SPATA16: variants seen among roughly 807,000 people sequenced by gnomAD.
SPATA16 encodes the protein spermatogenesis-associated protein 16.
In SPATA16, 36 loss-of-function variants were observed where a neutral mutation model predicts 63.3. That is an observed-to-expected ratio of 0.57 (90% CI 0.44 to 0.75). The LOEUF (loss-of-function observed/expected upper bound fraction) is 0.75. Ranked by LOEUF, SPATA16 falls within the 30% of genes least tolerant of loss-of-function variation. SPATA16 has a pLI of 0.00. For missense variants in SPATA16, 646 were observed against 679.3 expected (o/e 0.95, Z 0.54); for synonymous variants, 203 against 216.7 (o/e 0.94, Z 0.56).
In SPATA16 at chr3:172,949,156, T is replaced by TA. The variant is rs934604917; in HGVS notation, c.1081+7520dup. ...GATGTTTACTCCATAATAAATTAGTTAAGCTGTATTTTAAAATGGATTTTT... is the reference window on the plus strand; with the variant it reads ...GATGTTTACTCCATAATAAATTAGTTAAAGCTGTATTTTAAAATGGATTTTT... On this transcript the variant is annotated intron_variant, in intron 6 of 10. Transcript: ENST00000351008. 1.1e-3 allele frequency among the ~76,000 whole-genome samples: 171 copies of TA among 152,254 alleles called. 1 individual carries two copies. The highest frequency in any genetic ancestry group is 4.0e-3 in the African/African-American group (167 of 41,524).
chr3:173,105,446 C>T (rs1737597179), intron 2 of SPATA16, among the ~76,000 whole-genome samples: 2 of 152,208 alleles, frequency 1.3e-5, no homozygotes, highest in Non-Finnish European at 2.9e-5. Context: ...TTCCTCAAAA[C>T]CTCGAGTCCA....
At chr3:173,122,799 T>G (rs1333447799) in intron 1 of SPATA16, among the ~76,000 whole-genome samples, 1 of 152,212 alleles carries the variant, frequency 6.6e-6, no homozygotes, top group Non-Finnish European at 1.5e-5. Context: ...GTTGTTTTAC[T>G]AGACCGTGAA....
chr3:173,102,937 C>G (rs1348019862), intron 2 of SPATA16, among the ~76,000 whole-genome samples: 5 of 152,170 alleles, frequency 3.3e-5, no homozygotes, highest in Non-Finnish European at 4.4e-5. Context: ...AATGGAGGTA[C>G]AGACACTGGG....
chr3:173,044,436 T>C (rs1422398371), intron 3 of SPATA16, among the ~76,000 whole-genome samples: 1 of 152,192 alleles, frequency 6.6e-6, no homozygotes, highest in Non-Finnish European at 1.5e-5. Context: ...ATGCTAAATC[T>C]CCATTTGGTT....
chr3:173,024,123 T>C (rs1326160231), intron 3 of SPATA16, among the ~76,000 whole-genome samples: 3 of 151,506 alleles, frequency 2.0e-5, no homozygotes, highest in African/African-American at 7.3e-5. Flanking sequence ...CTATTATATT[T>C]TCCAAACTCT....
At chr3:172,902,618 A>G (rs1306824177) in intron 10 of SPATA16, among the ~76,000 whole-genome samples, 2 of 152,172 alleles carry the variant, frequency 1.3e-5, no homozygotes, top group East Asian at 1.9e-4. Flanking sequence ...ATTTCTTGTA[A>G]TAAGAGATAG....
At chr3:173,069,112 G>GAAAAAAAAAAAAAAAAAAAA (rs541801266) in intron 2 of SPATA16, among the ~76,000 whole-genome samples, 9 of 109,158 alleles carry the variant, frequency 8.2e-5, no homozygotes, top group African/African-American at 3.3e-4. Flanking sequence ...TCCGTCTCAA[G>GAAAAAAAAAAAAAAAAAAAA]AAAAAAAAAA....
intron 4 of SPATA16, among the ~76,000 whole-genome samples, chr3:172,981,390 C>CGTT (rs1734314587): frequency 2.0e-5 from 3 of 152,194 alleles, no homozygotes; most frequent in Non-Finnish European, 2.9e-5. Context: ...GAAAAACTAA[C>CGTT]CTCTTTATAG....
chr3:172,916,230 G>GA (rs1732480808), intron 9 of SPATA16, 87 bp downstream of exon 9: 2 of 1,247,862 alleles, frequency 1.6e-6, no homozygotes, highest in Non-Finnish European at 2.3e-6. Flanking sequence ...ATTACCACAG[G>GA]ATTTTTTTTT....
At chr3:173,047,208 T>TA (rs1326747427) in intron 3 of SPATA16, among the ~76,000 whole-genome samples, 1 of 151,798 alleles carries the variant, frequency 6.6e-6, no homozygotes, top group African/African-American at 2.4e-5. Context: ...TCATTACTTT[T>TA]TTTTTTTTTA....
intron 6 of SPATA16, among the ~76,000 whole-genome samples, chr3:172,931,934 G>A (rs576809424): frequency 6.6e-6 from 1 of 152,226 alleles, no homozygotes; most frequent in South Asian, 2.1e-4. Flanking sequence ...TTTTCTCTGG[G>A]AAATATGAAC....
intron 2 of SPATA16, among the ~76,000 whole-genome samples, chr3:173,069,112 G>GAAAAAAAAAAAA (rs541801266): frequency 1.8e-5 from 2 of 109,166 alleles, no homozygotes; most frequent in African/African-American, 7.3e-5. Context: ...TCCGTCTCAA[G>GAAAAAAAAAAAA]AAAAAAAAAA....
intron 2 of SPATA16, among the ~76,000 whole-genome samples, chr3:173,061,611 G>A (rs1223382503): frequency 6.6e-6 from 1 of 152,118 alleles, no homozygotes; most frequent in African/African-American, 2.4e-5. Flanking sequence ...CAAGGGTATT[G>A]CAATTAATAG....
Position 172,947,285 on chromosome 3 carries a change from T to G in SPATA16, c.1081+9392A>C, listed in dbSNP as rs568472477. Among the ~76,000 whole-genome samples, 3 of 152,210 alleles carry G rather than the reference T, an allele frequency of 2.0e-5. No individual in the cohort carries two copies. In the East Asian group the frequency reaches 5.8e-4, roughly 29 times the overall value. ...TGCAAAGACAACAATAAACACTTCT[T>G]TAATAACTCTTCAAATAAACTCTTT... On this transcript the variant is annotated intron_variant, in intron 6 of 10. Coordinates refer to ENST00000351008, the MANE Select transcript of SPATA16 (RefSeq NM_031955.6).
intron 10 of SPATA16, among the ~76,000 whole-genome samples, chr3:172,900,161 C>G (rs912312949): frequency 6.6e-6 from 1 of 152,198 alleles, no homozygotes; most frequent in African/African-American, 2.4e-5. Flanking sequence ...CTGAGAATGT[C>G]TTAATTTCTT....
At chr3:173,048,632 C>T (rs1736009476) in intron 3 of SPATA16, among the ~76,000 whole-genome samples, 1 of 152,066 alleles carries the variant, frequency 6.6e-6, no homozygotes, top group African/African-American at 2.4e-5. Context: ...TCGACAATCC[C>T]TCTTACGATT....
At chr3:172,955,904 A>G (rs1261706880) in intron 6 of SPATA16, among the ~76,000 whole-genome samples, 1 of 152,116 alleles carries the variant, frequency 6.6e-6, no homozygotes, top group East Asian at 1.9e-4. Context: ...GTGATCAATA[A>G]TGGAGTACAT....
Position 173,028,029 on chromosome 3 carries a change from T to C in SPATA16, c.759-8454A>G, listed in dbSNP as rs9865371. 8.9e-3 allele frequency among the ~76,000 whole-genome samples: 518 copies of C among 58,036 alleles called. 18 individuals are homozygous for C. Among genetic ancestry groups the C allele is most frequent in the African/African-American group, 0.045 (482 of 10,800 alleles). The allele number at this position is 58,036 out of a possible 152,430, so 38.1% of individuals were successfully genotyped here. A position where few individuals can be genotyped will look rare whatever the true frequency, so the allele number is the denominator to read the frequency against. On this transcript the variant is annotated intron_variant, in intron 3 of 10. Coordinates refer to ENST00000351008, the MANE Select transcript of SPATA16 (RefSeq NM_031955.6). ...TCCCTCCCTCCCTTCCTTCTTTCCTTCCTTCCTTCCTTCCTTCCTTCCTTC... is the reference window on the plus strand; with the variant it reads ...TCCCTCCCTCCCTTCCTTCTTTCCTCCCTTCCTTCCTTCCTTCCTTCCTTC...
chr3:173,102,924 T>C (rs1737530575), intron 2 of SPATA16, among the ~76,000 whole-genome samples: 1 of 152,120 alleles, frequency 6.6e-6, no homozygotes, highest in African/African-American at 2.4e-5. Context: ...ACTCCCAAGA[T>C]ACAATGGAGG....
Sources: gnomAD v4.1 joint callset for allele counts (sites outside exome capture counted in the v4.1 genomes callset) on GRCh38, gnomAD v4.1.1 for gene constraint, MANE v1.5 for transcripts, NCBI Gene and HGNC (gene_info 2026-07-23, HGNC 2026-07-21) for gene names.